Variants in THBS4 observed in about 807,000 individuals in gnomAD.
THBS4 encodes thrombospondin 4.
In THBS4, 90 loss-of-function variants were observed where a neutral mutation model predicts 115.7. That is an observed-to-expected ratio of 0.78 (90% CI 0.66 to 0.93). The LOEUF (loss-of-function observed/expected upper bound fraction) is 0.93. THBS4 is among the 40% of genes least tolerant of loss of function. The pLI is 0.00. For synonymous variants in THBS4, 460 were observed against 479.3 expected (o/e 0.96, Z 0.53); for missense variants, 1,087 against 1,232.7 (o/e 0.88, Z 1.77).
At chr5:80,049,689 A>G (rs1833190973) in intron 2 of THBS4, among the ~76,000 whole-genome samples, 1 of 152,178 alleles carries the variant, frequency 6.6e-6, no homozygotes, top group East Asian at 1.9e-4. Context: ...TGGGAAAATC[A>G]GTAAGATATA....
At chr5:80,055,714 A>G in intron 2 of THBS4, 71 bp from the exon 3 acceptor site, 1 of 1,558,332 alleles carries the variant, frequency 6.4e-7, no homozygotes, top group Non-Finnish European at 8.7e-7. Flanking sequence ...CACTTATCAC[A>G]CCATTTGTTG....
At chr5:80,028,460 T>C (rs1358231634) in intron 2 of THBS4, among the ~76,000 whole-genome samples, 1 of 152,022 alleles carries the variant, frequency 6.6e-6, no homozygotes, top group Non-Finnish European at 1.5e-5. Flanking sequence ...ACTTTTTTTT[T>C]TTGGTTTGTT....
At chr5:80,081,631 G>GAATGTT (rs1325619518) in intron 20 of THBS4, among the ~76,000 whole-genome samples, 3 of 152,148 alleles carry the variant, frequency 2.0e-5, no homozygotes, top group Admixed American at 1.3e-4. Flanking sequence ...ACACATTTTA[G>GAATGTT]AATGTTAATT....
intron 2 of THBS4, among the ~76,000 whole-genome samples, chr5:80,042,657 C>T (rs965111693): frequency 6.6e-6 from 1 of 152,082 alleles, no homozygotes; most frequent in Non-Finnish European, 1.5e-5. Flanking sequence ...GAAGAATCAC[C>T]AGTAATATGA....
At chr5:80,058,429 G>C (rs1453214178) in intron 4 of THBS4, 115 bp downstream of exon 4, 1 of 735,234 alleles carries the variant, frequency 1.4e-6, no homozygotes, top group Non-Finnish European at 2.2e-6. Flanking sequence ...CCAACAAAAC[G>C]TATCTATGAA....
At chr5:80,016,510 T>C (rs1395058212) in intron 2 of THBS4, among the ~76,000 whole-genome samples, 1 of 152,200 alleles carries the variant, frequency 6.6e-6, no homozygotes, top group Non-Finnish European at 1.5e-5. Flanking sequence ...AGACAAAATC[T>C]TGTAACAAAT....
chr5:80,064,893 TA>T (rs1405341742), intron 8 of THBS4, among the ~76,000 whole-genome samples: 3 of 151,830 alleles, frequency 2.0e-5, no homozygotes, highest in Non-Finnish European at 4.4e-5. Context: ...GAGGTGAACC[TA>T]AAGAAATCAT....
intron 2 of THBS4, among the ~76,000 whole-genome samples, chr5:80,014,620 G>A (rs1431096901): frequency 6.6e-6 from 1 of 152,226 alleles, no homozygotes; most frequent in Non-Finnish European, 1.5e-5. Context: ...AGTAGCTGCA[G>A]GTATTTATTT....
chr5:80,081,843 C>T (rs955911264), intron 20 of THBS4, among the ~76,000 whole-genome samples: 1 of 152,122 alleles, frequency 6.6e-6, no homozygotes, highest in African/African-American at 2.4e-5. Context: ...GGGCATTGCT[C>T]GCCATCCAGC....
At chr5:80,025,894 A>G (rs1033464920) in intron 2 of THBS4, among the ~76,000 whole-genome samples, 1 of 152,190 alleles carries the variant, frequency 6.6e-6, no homozygotes, top group Non-Finnish European at 1.5e-5. Context: ...GTGGTAGCCA[A>G]AATAATCAAC....
intron 10 of THBS4, among the ~76,000 whole-genome samples, chr5:80,069,915 G>A (rs993067981): frequency 2.0e-5 from 3 of 152,196 alleles, no homozygotes; most frequent in Admixed American, 1.3e-4. Context: ...ACATAAGTCT[G>A]ATTTCCCTTG....
Position 80,065,405 on chromosome 5 carries a change from C to A in THBS4, c.1126-4C>A, listed in dbSNP as rs2112116034. On this transcript the variant is annotated splice_polypyrimidine_tract_variant and splice_region_variant and intron_variant, in intron 8 of 21. Transcript: ENST00000350881. Reference sequence around the variant, plus strand: ...TAAACTTTCTTTGAACTTTTCTGCACTAGGTCTGCACTGACATTGATGAGT... The same window carrying A: ...TAAACTTTCTTTGAACTTTTCTGCAATAGGTCTGCACTGACATTGATGAGT... The A allele has an allele frequency of 1.2e-6, 2 of 1,609,712 alleles. No individual in the cohort carries two copies. The highest frequency in any genetic ancestry group is 1.3e-5 in the African/African-American group (1 of 74,868).
At chr5:80,046,071 T>G (rs1283852521) in intron 2 of THBS4, among the ~76,000 whole-genome samples, 1 of 152,212 alleles carries the variant, frequency 6.6e-6, no homozygotes, top group Non-Finnish European at 1.5e-5. Context: ...ATGGATGTTT[T>G]TAGCCATGTT....
chr5:80,049,916 G>A (rs1481848053), intron 2 of THBS4, among the ~76,000 whole-genome samples: 5 of 152,200 alleles, frequency 3.3e-5, no homozygotes, highest in Admixed American at 6.5e-5. Context: ...GTAGGAAGGG[G>A]AGTCAGGAAT....
chr5:80,068,214 G>C (rs923949348), intron 10 of THBS4, 89 bp downstream of exon 10: 7 of 1,494,822 alleles, frequency 4.7e-6, no homozygotes, highest in African/African-American at 2.8e-5. Context: ...CAGGGTAAAA[G>C]TACTCCAAAA....
In THBS4 at chr5:80,070,440, C is replaced by A. The variant is rs772561786; in HGVS notation, c.1452+30C>A. The A allele has an allele frequency of 1.4e-5, 22 of 1,589,524 alleles. No individual in the cohort carries two copies. In the African/African-American group the frequency reaches 3.0e-4, roughly 21 times the overall value. ...GGGGTGTGGGGTGGCAGTAGGCACA[C>A]ATGCACTGTGGCTTTCCAAAGTCAC... On this transcript the variant is annotated intron_variant, in intron 11 of 21. Coordinates refer to ENST00000350881, the MANE Select transcript of THBS4 (RefSeq NM_003248.6).
chr5:80,052,306 C>T (rs1580950078), intron 2 of THBS4: 2 of 151,976 alleles, frequency 1.3e-5, no homozygotes, highest in African/African-American at 4.8e-5. Flanking sequence ...TTGATACATA[C>T]TTTTTACATA....
chr5:80,071,116 C>A lies in THBS4; in HGVS notation c.1656C>A (p.Asn552Lys). 6.2e-7 allele frequency: 1 copy of A among 1,609,904 alleles called. No homozygotes were observed. Among genetic ancestry groups the A allele is most frequent in the Non-Finnish European group, 8.5e-7 (1 of 1,179,060 alleles). Reference sequence around the variant, plus strand: ...ATAACTGCCTGAGTGTCTTAAATAACGACCAGAAAGACACCGATGGGGATG... The same window carrying A: ...ATAACTGCCTGAGTGTCTTAAATAAAGACCAGAAAGACACCGATGGGGATG... Reference protein sequence around the residue: ...ACDNCLSVLNNDQKDTDGDGR... With the variant: ...ACDNCLSVLNKDQKDTDGDGR... The change falls in exon 13 of 22, where the codon AAC becomes AAA. Residue 552 changes from asparagine to lysine, a missense_variant. Asn to Lys is a moderately conservative substitution (Grantham distance 94, BLOSUM62 0). Coordinates refer to ENST00000350881, the MANE Select transcript of THBS4 (RefSeq NM_003248.6).
At chr5:80,054,707 C>G (rs1833366574) in intron 2 of THBS4, among the ~76,000 whole-genome samples, 1 of 152,024 alleles carries the variant, frequency 6.6e-6, no homozygotes, top group African/African-American at 2.4e-5. Context: ...TCAAGCGATT[C>G]TCCCACCTCG....
Sources: allele counts gnomAD v4.1 joint callset (sites outside exome capture counted in the v4.1 genomes callset), GRCh38; gene constraint gnomAD v4.1.1; transcripts MANE v1.5; gene names NCBI Gene and HGNC (gene_info 2026-07-23, HGNC 2026-07-21).